KRT28: variants seen among roughly 807,000 people sequenced by gnomAD.
KRT28 encodes the protein keratin 28.
Under a neutral mutation model 48.1 loss-of-function variants are expected in KRT28, and 45 were observed. The observed-to-expected ratio is 0.94, with a 90% CI of 0.74 to 1.20. The LOEUF (loss-of-function observed/expected upper bound fraction) is 1.20. Among genes scored for constraint, KRT28 ranks in the 50% most tolerant of loss-of-function variants. KRT28 has a pLI of 0.00. For synonymous variants in KRT28, 228 were observed against 227.4 expected (o/e 1.00, Z -0.03); for missense variants, 571 against 574.1 (o/e 0.99, Z 0.06).
At position 40,798,264 on chromosome 17, in the gene KRT28, T is replaced by C. The variant is rs1305568960; in HGVS notation, c.661A>G (p.Met221Val). The C allele has an allele frequency of 1.2e-6, 2 of 1,610,196 alleles. No homozygotes were observed. Among genetic ancestry groups the C allele is most frequent in the Admixed American group, 3.3e-5 (2 of 59,972 alleles). The change falls in exon 3 of 8, where the codon ATG becomes GTG. Residue 221 changes from methionine to valine, a missense_variant. Transcript: ENST00000306658. ...ELQYESLSEEMTYLKKNHEEE... is the reference protein window; with the variant it reads ...ELQYESLSEEVTYLKKNHEEE... ...TCGTGGTTCTTTTTGAGATATGTCA[T>C]CTCCTCACTCAGAGACTCATATTGC...
chr17:40,796,615 T>C (rs1904618151), intron 5 of KRT28, among the ~76,000 whole-genome samples: 1 of 152,208 alleles, frequency 6.6e-6, no homozygotes, highest in Admixed American at 6.5e-5. Context: ...GCAATATTGC[T>C]GCTGTTTGTT....
rs755519212 is a variant in KRT28, at chr17:40,797,191, T to C, written c.781A>G (p.Asn261Asp). ...AGGGCTTCGTACTCCGCTCGCATGT[T>C]GTTCAACAAAACCGCGAGGTCTACC... ...PGVDLAVLLN[N>D]MRAEYEALAE... Residue 261 changes from asparagine to aspartate, a missense_variant, in exon 4 of 8, where the codon AAC becomes GAC. Physicochemically the swap from Asn to Asp is conservative, Grantham distance 23. Transcript: ENST00000306658. The C allele has an allele frequency of 1.2e-6, 2 of 1,614,056 alleles. No homozygotes were observed. Among genetic ancestry groups the C allele is most frequent in the Non-Finnish European group, 1.7e-6 (2 of 1,180,028 alleles).
rs1567692455 is a variant in KRT28, at chr17:40,798,398, G to C, written c.534-7C>G. The C allele has an allele frequency of 6.3e-7, 1 of 1,591,068 alleles. No individual in the cohort carries two copies. The highest frequency in any genetic ancestry group is 8.6e-7 in the Non-Finnish European group (1 of 1,164,602). On this transcript the variant is annotated splice_region_variant and splice_polypyrimidine_tract_variant and intron_variant, in intron 2 of 7. Coordinates refer to ENST00000306658, the MANE Select transcript of KRT28 (RefSeq NM_181535.3). Reference sequence around the variant, plus strand: ...GGTGAGCTCATTTTCATACCTTGGGGGGCATTTAAGTGAATTTCAGTGCCA... The same window carrying C: ...GGTGAGCTCATTTTCATACCTTGGGCGGCATTTAAGTGAATTTCAGTGCCA...
At chr17:40,794,115 A>C in intron 5 of KRT28, 69 bp from the exon 6 acceptor site, 10 of 1,562,732 alleles carry the variant, frequency 6.4e-6, no homozygotes, top group Non-Finnish European at 8.8e-6. Flanking sequence ...ATTGTTTCTC[A>C]GTAATCAGCA....
intron 4 of KRT28, 23 bp downstream of exon 4, chr17:40,797,097 C>T (rs2143075015): frequency 6.2e-7 from 1 of 1,612,252 alleles, no homozygotes; most frequent in Non-Finnish European, 8.5e-7. Context: ...GAGGTGTGAG[C>T]AGGGAGACGG....
Position 40,799,549 on chromosome 17 carries a change from C to G in KRT28, c.345G>C (p.Glu115Asp). The G allele has an allele frequency of 1.2e-6, 2 of 1,614,214 alleles. No homozygotes were observed. The highest frequency in any genetic ancestry group is 1.7e-6 in the Non-Finnish European group (2 of 1,180,042). The change falls in exon 1 of 8, where the codon GAG (glutamate) becomes GAC (aspartate). Residue 115 changes from glutamate (E) to aspartate (D), a missense_variant. Physicochemically the swap from Glu to Asp is conservative, Grantham distance 45. Transcript: ENST00000306658. ...RALEEANAEL[E>D]RKIKGWYEKY... The stretch of plus-strand genomic sequence containing the variant: ...TTTCATACCAACCCTTGATTTTTCT[C>G]TCTAATTCAGCATTTGCCTCCTCCA...
At position 40,793,168 on chromosome 17, in the gene KRT28, C is replaced by T. The variant is rs1231523284; in HGVS notation, c.1239G>A (p.Gly413=). 6.4e-7 allele frequency: 1 copy of T among 1,563,880 alleles called. No individual in the cohort carries two copies. Among genetic ancestry groups the T allele is most frequent in the South Asian group, 1.2e-5 (1 of 84,176 alleles). ...KSKGFGSGSP[G]NSSKDLSKTT... ...AGATTTTATTACCTTTAGATGAATT[C>T]CCAGGGCTTCCTGATCCAAAGCCCT... The change falls in exon 7 of 8, where the codon GGG becomes GGA. Residue 413 remains glycine, a synonymous_variant. Coordinates refer to ENST00000306658, the MANE Select transcript of KRT28 (RefSeq NM_181535.3).
chr17:40,792,507 G>T lies in KRT28; in HGVS notation c.1315C>A (p.Leu439Ile), dbSNP rs148682580. 1,193 of 1,613,216 alleles carry T rather than the reference G, an allele frequency of 7.4e-4. 10 individuals are homozygous for T. The African/African-American group carries it at 0.015, about 20-fold the overall frequency. ...TCAATGGAGTGAATCCTTGATGAAA[G>T]AACTTTACCACGTTGATCTAGCTCT... ...VEELDQRGKV[L>I]SSRIHSIEEK... Residue 439 changes from leucine (L) to isoleucine (I), a missense_variant, in exon 8 of 8, where the codon CTT becomes ATT. Coordinates refer to ENST00000306658, the MANE Select transcript of KRT28 (RefSeq NM_181535.3).
At position 40,797,192 on chromosome 17, in the gene KRT28, G is replaced by C. The variant is rs572794504; in HGVS notation, c.780C>G (p.Asn260Lys). Residue 260 changes from asparagine to lysine, a missense_variant, in exon 4 of 8, where the codon AAC becomes AAG. Asn to Lys is a moderately conservative substitution (Grantham distance 94, BLOSUM62 0). Coordinates refer to ENST00000306658, the MANE Select transcript of KRT28 (RefSeq NM_181535.3). Reference sequence around the variant, plus strand: ...GGGCTTCGTACTCCGCTCGCATGTTGTTCAACAAAACCGCGAGGTCTACCC... The same window carrying C: ...GGGCTTCGTACTCCGCTCGCATGTTCTTCAACAAAACCGCGAGGTCTACCC... Reference protein sequence around the residue: ...APGVDLAVLLNNMRAEYEALA... With the variant: ...APGVDLAVLLKNMRAEYEALA... 2 of 1,614,174 alleles carry C rather than the reference G, an allele frequency of 1.2e-6. No individual in the cohort carries two copies. Among genetic ancestry groups the C allele is most frequent in the South Asian group, 2.2e-5 (2 of 91,086 alleles).
intron 3 of KRT28, 90 bp downstream of exon 3, chr17:40,798,145 G>A: frequency 7.9e-7 from 1 of 1,270,422 alleles, no homozygotes; most frequent in Admixed American, 2.1e-5. Context: ...CAATGAACCT[G>A]AATTACTATT....
rs754838266 is a variant in KRT28 at position 40,796,915 on chromosome 17, C to T, written c.978+1G>A. 8.8e-6 allele frequency: 14 copies of T among 1,596,770 alleles called. No individual in the cohort carries two copies. Among genetic ancestry groups the T allele is most frequent in the Non-Finnish European group, 1.2e-5 (14 of 1,172,926 alleles). On this transcript the variant is annotated splice_donor_variant, in intron 5 of 7. Transcript: ENST00000306658. LOFTEE classifies it high-confidence loss of function. The stretch of plus-strand genomic sequence containing the variant: ...CCAGGCTGACCTTCGCTGTCACCTA[C>T]CGTGGCCATCAGGGACTGCAGCTGG...
intron 5 of KRT28, among the ~76,000 whole-genome samples, chr17:40,796,256 C>T (rs1490620699): frequency 2.6e-5 from 4 of 152,196 alleles, no homozygotes; most frequent in African/African-American, 9.7e-5. Context: ...TTGGGCACTG[C>T]CAGCTCACAC....
intron 1 of KRT28, 98 bp downstream of exon 1, chr17:40,799,346 A>C: frequency 2.0e-6 from 2 of 981,622 alleles, no homozygotes; most frequent in Non-Finnish European, 3.0e-6. Flanking sequence ...AATAAATACA[A>C]GTTATAACAG....
chr17:40,796,125 T>G (rs931248369), intron 5 of KRT28, among the ~76,000 whole-genome samples: 1 of 152,218 alleles, frequency 6.6e-6, no homozygotes, highest in Non-Finnish European at 1.5e-5. Context: ...CTGCACTCAC[T>G]TGGGTAACAG....
Position 40,793,194 on chromosome 17 carries a change from T to C in KRT28, c.1213A>G (p.Lys405Glu), listed in dbSNP as rs142227683. 399 of 1,565,550 alleles carry C rather than the reference T, an allele frequency of 2.5e-4. 1 individual carries two copies. Among genetic ancestry groups the C allele is most frequent in the Admixed American group, 3.3e-4 (18 of 53,850 alleles). Residue 405 changes from lysine to glutamate, a missense_variant, in exon 7 of 8, where the codon AAG (lysine) becomes GAG (glutamate). Physicochemically the swap from Lys to Glu is moderately conservative, Grantham distance 56. Coordinates refer to ENST00000306658, the MANE Select transcript of KRT28 (RefSeq NM_181535.3). ...CCAGGGCTTCCTGATCCAAAGCCCTTTGATTTGGAGCATGAACTGTAAAAG... is the reference window on the plus strand; with the variant it reads ...CCAGGGCTTCCTGATCCAAAGCCCTCTGATTTGGAGCATGAACTGTAAAAG... The part of the protein sequence containing the change: ...DGDGNSCSKS[K>E]GFGSGSPGNS...
intron 5 of KRT28, 69 bp downstream of exon 5, chr17:40,796,847 G>A: frequency 6.6e-7 from 1 of 1,507,150 alleles, no homozygotes. Context: ...AGAAGGAAGG[G>A]CAGAGGGAAG....
chr17:40,794,179 G>C, intron 5 of KRT28, 133 bp from the exon 6 acceptor site: 1 of 1,057,150 alleles, frequency 9.5e-7, no homozygotes, highest in Non-Finnish European at 1.4e-6. Flanking sequence ...CAATCAAATG[G>C]GAAAGAAAGG....
Position 40,798,941 on chromosome 17 carries a change from A to C in KRT28, c.509T>G (p.Leu170Arg). 1 of 1,608,150 alleles carries C rather than the reference A, an allele frequency of 6.2e-7. No individual in the cohort carries two copies. The highest frequency in any genetic ancestry group is 8.5e-7 in the Non-Finnish European group (1 of 1,177,010). ...NVILQIDNARLAADDFRLKYE... is the reference protein window; with the variant it reads ...NVILQIDNARRAADDFRLKYE... ...CTTTAGCCTGAAATCATCAGCAGCC[A>C]GTCTGGCATTATCAATCTGCAGAAT... Residue 170 changes from leucine to arginine, a missense_variant, in exon 2 of 8, where the codon CTG becomes CGG. Transcript: ENST00000306658.
At chr17:40,797,326 C>T (rs762037661) in intron 3 of KRT28, 45 bp from the exon 4 acceptor site, 5 of 1,575,208 alleles carry the variant, frequency 3.2e-6, no homozygotes, top group South Asian at 1.2e-5. Context: ...TGCAGGTTCA[C>T]ACTCAGTCTG....
Sources: gnomAD v4.1 joint callset for allele counts (sites outside exome capture counted in the v4.1 genomes callset) on GRCh38, gnomAD v4.1.1 for gene constraint, MANE v1.5 for transcripts, NCBI Gene and HGNC (gene_info 2026-07-23, HGNC 2026-07-21) for gene names.